The following NFATC1 variants were observed in gnomAD, a reference collection of about 807,000 sequenced individuals.
The protein encoded by NFATC1 is nuclear factor of activated T cells 1, also known as nuclear factor of activated T-cells, cytoplasmic 1.
Under a neutral mutation model 76.0 loss-of-function variants are expected in NFATC1, and 22 were observed. That is an observed-to-expected ratio of 0.29 (90% CI 0.21 to 0.41). The LOEUF is 0.41. Among genes scored for constraint, NFATC1 ranks in the 10% least tolerant of loss-of-function variants. The pLI is 1.00. For synonymous variants in NFATC1, 704 were observed against 613.1 expected (o/e 1.15, Z -2.19); for missense variants, 1,357 against 1,337.7 (o/e 1.01, Z -0.23).
At chr18:79,471,522 C>T (rs567188113) in intron 8 of NFATC1, among the ~76,000 whole-genome samples, 8 of 152,304 alleles carry the variant, frequency 5.3e-5, no homozygotes, top group African/African-American at 1.9e-4. Context: ...AGTCGGTTAC[C>T]TGGAAACGCT....
rs61608037 is a variant in NFATC1, at chr18:79,463,507, T to C, written c.1959+2141T>C. ...GTTCCCGTGTCCATACCGGCCTCTC[T>C]TCCCCACGGCCATTTCCTGTGCCCA... On this transcript the variant is annotated intron_variant, in intron 7 of 9. Transcript: ENST00000427363. Among the ~76,000 whole-genome samples, 364 of 75,080 alleles carry C rather than the reference T, an allele frequency of 4.8e-3. 1 individual carries two copies. Among genetic ancestry groups the C allele is most frequent in the Non-Finnish European group, 5.7e-3 (193 of 33,790 alleles). The allele number at this position is 75,080 out of a possible 152,430, so 49.3% of individuals were successfully genotyped here.
rs555922720 is a variant in NFATC1, at chr18:79,465,612, A to T, written c.1960-1838A>T. Among the ~76,000 whole-genome samples the T allele has an allele frequency of 2.0e-5, 3 of 152,256 alleles. No individual in the cohort carries two copies. The highest frequency in any genetic ancestry group is 6.5e-5 in the Admixed American group (1 of 15,296). On this transcript the variant is annotated intron_variant, in intron 7 of 9. Transcript: ENST00000427363. This position sits in a 1 kb window ranked among gnomAD's most constrained non-coding sequence, Gnocchi z 4.2. Reference sequence around the variant, plus strand: ...TCCCCACTCCTCGCTGCTGCCTGTGAGTGCCTCCCGGCCCGTTACTATTTC... The same window carrying T: ...TCCCCACTCCTCGCTGCTGCCTGTGTGTGCCTCCCGGCCCGTTACTATTTC...
At chr18:79,467,354 G>T in intron 7 of NFATC1, 96 bp from the exon 8 acceptor site, 1 of 1,255,370 alleles carries the variant, frequency 8.0e-7, no homozygotes, top group Non-Finnish European at 1.1e-6. Context: ...CCGTGTGGCC[G>T]CCGTGGAAAC....
At chr18:79,407,124 C>T (rs773670885) in intron 1 of NFATC1, among the ~76,000 whole-genome samples, 3 of 152,374 alleles carry the variant, frequency 2.0e-5, no homozygotes, top group East Asian at 1.9e-4. Context: ...AGATTCTCCT[C>T]GGAAACCTCA....
chr18:79,519,152 T>C (rs1254368888), intron 9 of NFATC1, among the ~76,000 whole-genome samples: 1 of 152,094 alleles, frequency 6.6e-6, no homozygotes, highest in Non-Finnish European at 1.5e-5. Flanking sequence ...GGCAGGCTGC[T>C]CACAGATCTC....
intron 2 of NFATC1, among the ~76,000 whole-genome samples, chr18:79,416,774 G>A (rs902084018): frequency 6.6e-5 from 10 of 152,172 alleles, no homozygotes; most frequent in Admixed American, 3.9e-4. Flanking sequence ...AGCCAGCCTC[G>A]AAGCCACGTC....
intron 7 of NFATC1, among the ~76,000 whole-genome samples, chr18:79,464,702 A>ATTT (rs1555911977): frequency 1.9e-4 from 13 of 69,312 alleles, no homozygotes; most frequent in Non-Finnish European, 2.8e-4. Context: ...ATATTTATTT[A>ATTT]TTTATTTATT....
intron 8 of NFATC1, among the ~76,000 whole-genome samples, chr18:79,480,604 G>A (rs1227612491): frequency 1.3e-5 from 2 of 152,142 alleles, no homozygotes; most frequent in African/African-American, 4.8e-5. Flanking sequence ...GTTAATGCCG[G>A]TACCACCGCG....
intron 3 of NFATC1, among the ~76,000 whole-genome samples, chr18:79,442,660 G>T (rs1221392045): frequency 2.0e-5 from 3 of 152,078 alleles, no homozygotes; most frequent in African/African-American, 7.2e-5. Context: ...GGTGGTGGCA[G>T]CAGTGTGCGG....
At chr18:79,505,128 G>A (rs1182600307) in intron 9 of NFATC1, among the ~76,000 whole-genome samples, 3 of 84,972 alleles carry the variant, frequency 3.5e-5, no homozygotes, top group African/African-American at 1.2e-4. Context: ...GGAGGAGGTG[G>A]TGCTGGAGGC....
In NFATC1 at chr18:79,486,483, C is replaced by T. The variant is rs1171627492; in HGVS notation, c.2328C>T (p.Tyr776=). The change falls in exon 9 of 10, where the codon TAC becomes TAT. Residue 776 remains tyrosine, a synonymous_variant. Coordinates refer to ENST00000427363, the MANE Select transcript of NFATC1 (RefSeq NM_001278669.2). ...TCCACGACCTTTCTCCCGCTGCCTA[C>T]ACCAAGGGCGTTGCCAGCCCGGGCC... ...PKLHDLSPAA[Y]TKGVASPGHC... The T allele has an allele frequency of 2.6e-5, 42 of 1,607,752 alleles. No homozygotes were observed. The highest frequency in any genetic ancestry group is 3.6e-5 in the Non-Finnish European group (42 of 1,179,708).
intron 8 of NFATC1, chr18:79,468,010 T>G: frequency 1.0e-6 from 1 of 994,542 alleles, no homozygotes; most frequent in Non-Finnish European, 1.2e-6. Context: ...GTAGTCCTGA[T>G]GTGGTCTTTA....
At chr18:79,503,156 C>A (rs1660151) in intron 9 of NFATC1, among the ~76,000 whole-genome samples, 1 of 152,036 alleles carries the variant, frequency 6.6e-6, no homozygotes, top group African/African-American at 2.4e-5. Flanking sequence ...TACTGAGCAC[C>A]CCAGGACTCA....
At chr18:79,433,835 A>G (rs1410125393) in intron 3 of NFATC1, 97 bp downstream of exon 3, 5 of 1,447,256 alleles carry the variant, frequency 3.5e-6, no homozygotes, top group East Asian at 2.4e-5. Context: ...TCTCCCAGCC[A>G]GGCCAGCTGA....
intron 4 of NFATC1, 65 bp downstream of exon 4, chr18:79,449,049 G>T: frequency 2.6e-6 from 4 of 1,525,172 alleles, no homozygotes; most frequent in Non-Finnish European, 3.6e-6. Flanking sequence ...CTCCCTCCCA[G>T]TCCCGGGGGG....
intron 1 of NFATC1, among the ~76,000 whole-genome samples, chr18:79,400,825 C>CCCCCGACCCCT (rs2085190484): frequency 4.2e-5 from 1 of 23,570 alleles, no homozygotes; most frequent in Non-Finnish European, 9.9e-5. Flanking sequence ...ACCTCCCCGA[C>CCCCCGACCCCT]CCCCCGACCC....
intron 8 of NFATC1, among the ~76,000 whole-genome samples, chr18:79,475,940 T>A (rs1459707489): frequency 6.6e-6 from 1 of 152,162 alleles, no homozygotes; most frequent in Non-Finnish European, 1.5e-5. Context: ...AGCGTCAGGA[T>A]CCAGACTTCT....
chr18:79,524,438 C>T lies in NFATC1; in HGVS notation c.2783-3090C>T, dbSNP rs553282383. Among the ~76,000 whole-genome samples the T allele has an allele frequency of 6.6e-6, 1 of 152,340 alleles. No homozygotes were observed. Among genetic ancestry groups the T allele is most frequent in the Non-Finnish European group, 1.5e-5 (1 of 68,028 alleles). On this transcript the variant is annotated intron_variant, in intron 9 of 9. Coordinates refer to ENST00000427363, the MANE Select transcript of NFATC1 (RefSeq NM_001278669.2). The surrounding 1 kb of genome is among the most constrained non-coding windows in gnomAD (Gnocchi z 7.2). ...GTGTCAGGGTTGTCCATCCCGCTCT[C>T]TGTCAGCTGCTGCCATGGGGCAGCG...
Position 79,486,362 on chromosome 18 carries a change from T to A in NFATC1, c.2207T>A (p.Met736Lys). 1 of 1,613,060 alleles carries A rather than the reference T, an allele frequency of 6.2e-7. No individual in the cohort carries two copies. The highest frequency in any genetic ancestry group is 1.1e-5 in the South Asian group (1 of 91,088). Residue 736 changes from methionine (M) to lysine (K), a missense_variant, in exon 9 of 10, where the codon ATG becomes AAG. This residue lies in a region of NFATC1 where 424 missense variants were observed against 395.4 expected (regional missense o/e 1.07). Transcript: ENST00000427363. ...PRPYYSQQLA[M>K]PPDPSSCLVA... is the part of the protein sequence containing the mutation. The stretch of plus-strand genomic sequence containing the variant: ...CCATACTACAGCCAGCAGCTCGCGA[T>A]GCCACCCGACCCCAGCTCCTGCCTC...
Sources: gnomAD v4.1 joint callset for allele counts (sites outside exome capture counted in the v4.1 genomes callset) on GRCh38, gnomAD v4.1.1 for gene constraint, gnomAD v4.1.1 regional missense constraint, Gnocchi (gnomAD v3.1) non-coding constraint, MANE v1.5 for transcripts, NCBI Gene and HGNC (gene_info 2026-07-23, HGNC 2026-07-21) for gene names.